Variants in KIF6 observed in about 807,000 individuals in gnomAD.
KIF6 encodes the protein kinesin-like protein KIF6.
In KIF6, 106 loss-of-function variants were observed where a neutral mutation model predicts 112.7. The observed-to-expected ratio is 0.94, with a 90% confidence interval of 0.80 to 1.11. The LOEUF (loss-of-function observed/expected upper bound fraction) is 1.11. Among genes scored for constraint, KIF6 ranks in the 50% least tolerant of loss-of-function variants. KIF6 has a pLI of 0.00. For missense variants in KIF6, 929 were observed against 964.0 expected (o/e 0.96, Z 0.48); for synonymous variants, 339 against 339.9 (o/e 1.00, Z 0.03).
At chr6:39,602,121 T>C (rs752758345) in intron 6 of KIF6, among the ~76,000 whole-genome samples, 1 of 152,216 alleles carries the variant, frequency 6.6e-6, no homozygotes, top group Admixed American at 6.5e-5. Flanking sequence ...AAATCAATGC[T>C]GACTTTTTCT....
intron 10 of KIF6, among the ~76,000 whole-genome samples, chr6:39,563,409 A>G (rs1314220634): frequency 6.6e-6 from 1 of 152,188 alleles, no homozygotes; most frequent in African/African-American, 2.4e-5. Flanking sequence ...TTTTCATCAC[A>G]AAAGTGAGAT....
At chr6:39,551,241 CAGAA>C (rs1306349976) in intron 10 of KIF6, among the ~76,000 whole-genome samples, 2 of 152,124 alleles carry the variant, frequency 1.3e-5, no homozygotes, top group Non-Finnish European at 2.9e-5. Context: ...AAGCCAAGCA[CAGAA>C]AGACAAATAT....
chr6:39,575,010 C>T (rs1484153406), intron 10 of KIF6, among the ~76,000 whole-genome samples: 3 of 152,102 alleles, frequency 2.0e-5, no homozygotes, highest in Non-Finnish European at 2.9e-5. Context: ...AAGTCAACTA[C>T]TGTTCTTGTT....
intron 13 of KIF6, among the ~76,000 whole-genome samples, chr6:39,444,670 T>G (rs1487178658): frequency 6.6e-6 from 1 of 151,020 alleles, no homozygotes; most frequent in Non-Finnish European, 1.5e-5. Context: ...CCCTGGCAAC[T>G]ACCATTCTAC....
chr6:39,635,198 C>CACATTAT (rs1254084936), intron 4 of KIF6, among the ~76,000 whole-genome samples: 3 of 151,794 alleles, frequency 2.0e-5, no homozygotes, highest in African/African-American at 7.3e-5. Context: ...TTATTGGTTC[C>CACATTAT]ACATTATACA....
chr6:39,396,351 G>A (rs1193945282), intron 15 of KIF6, among the ~76,000 whole-genome samples: 1 of 152,208 alleles, frequency 6.6e-6, no homozygotes, highest in Non-Finnish European at 1.5e-5. Context: ...CTCCATGGGA[G>A]TGGCATGGGG....
chr6:39,539,490 C>T (rs954733761), intron 13 of KIF6, among the ~76,000 whole-genome samples: 11 of 151,928 alleles, frequency 7.2e-5, no homozygotes, highest in Admixed American at 2.0e-4. Context: ...ATTACAGGCG[C>T]GCACCACCAC....
rs1245827220 is a variant in KIF6, at chr6:39,334,890, C to G, written c.*1642G>C. ...TTCTACAGACTTTACAGAGGGCTTA[C>G]TATGTTCCATTGAACTGTGAGGGCC... On this transcript the variant is annotated 3_prime_UTR_variant, in exon 23 of 23. Coordinates refer to ENST00000287152, the MANE Select transcript of KIF6 (RefSeq NM_145027.6). The G allele has an allele frequency of 6.6e-6, 1 of 152,184 alleles. No individual in the cohort carries two copies. Among genetic ancestry groups the G allele is most frequent in the Non-Finnish European group, 1.5e-5 (1 of 68,064 alleles). 9.4% of individuals were successfully genotyped at this position (152,184 alleles called of 1,614,324 possible).
Position 39,360,540 on chromosome 6 carries a change from A to G in KIF6, c.1947-10T>C. 2 of 1,614,176 alleles carry G rather than the reference A, an allele frequency of 1.2e-6. No individual in the cohort carries two copies. The highest frequency in any genetic ancestry group is 1.7e-6 in the Non-Finnish European group (2 of 1,179,994). The stretch of plus-strand genomic sequence containing the variant: ...GAACATTGTTTTATACCTGCGGTGG[A>G]ATCGGGGAAGAGTCAGGGCACTGCT... On this transcript the variant is annotated splice_polypyrimidine_tract_variant and intron_variant, in intron 17 of 22. Transcript: ENST00000287152.
At chr6:39,515,209 T>G (rs1178933751) in intron 13 of KIF6, among the ~76,000 whole-genome samples, 1 of 152,200 alleles carries the variant, frequency 6.6e-6, no homozygotes, top group African/African-American at 2.4e-5. Context: ...CAGAAAGGCT[T>G]TTTCACATTT....
Position 39,487,755 on chromosome 6 carries a change from A to G in KIF6, c.1645+52248T>C, listed in dbSNP as rs1775206063. On this transcript the variant is annotated intron_variant, in intron 13 of 22. Coordinates refer to ENST00000287152, the MANE Select transcript of KIF6 (RefSeq NM_145027.6). Reference sequence around the variant, plus strand: ...TTTAGTGGCTGAAAAACAGTCCTATAGATGACAATCTGAGATGTGATTATT... The same window carrying G: ...TTTAGTGGCTGAAAAACAGTCCTATGGATGACAATCTGAGATGTGATTATT... Among the ~76,000 whole-genome samples the G allele has an allele frequency of 1.3e-5, 2 of 152,218 alleles. 1 individual carries two copies.
intron 13 of KIF6, among the ~76,000 whole-genome samples, chr6:39,463,881 T>A (rs750821542): frequency 2.6e-5 from 4 of 152,224 alleles, no homozygotes; most frequent in Non-Finnish European, 5.9e-5. Context: ...CTTTGAGTCA[T>A]CATTCATTTT....
In KIF6 at chr6:39,335,372, G is replaced by T. The variant is rs1030292320; in HGVS notation, c.*1160C>A. On this transcript the variant is annotated 3_prime_UTR_variant, in exon 23 of 23. Transcript: ENST00000287152. Reference sequence around the variant, plus strand: ...TGGATTAGAGGAGCTCGATGGGCCTGCCTAGCTTAGAAATGTAATGGTTTA... The same window carrying T: ...TGGATTAGAGGAGCTCGATGGGCCTTCCTAGCTTAGAAATGTAATGGTTTA... 1 of 152,098 alleles carries T rather than the reference G, an allele frequency of 6.6e-6. No homozygotes were observed. Among genetic ancestry groups the T allele is most frequent in the Non-Finnish European group, 1.5e-5 (1 of 68,018 alleles). The allele number at this position is 152,098 out of a possible 1,614,324, so 9.4% of individuals were successfully genotyped here.
At chr6:39,603,530 T>A (rs1782699105) in intron 6 of KIF6, among the ~76,000 whole-genome samples, 1 of 144,058 alleles carries the variant, frequency 6.9e-6, no homozygotes, top group African/African-American at 2.8e-5. Flanking sequence ...GGTGATGCAT[T>A]TTTTTTTTGT....
intron 2 of KIF6, among the ~76,000 whole-genome samples, chr6:39,719,052 C>A (rs1244252481): frequency 1.3e-5 from 2 of 152,180 alleles, no homozygotes; most frequent in Admixed American, 6.5e-5. Flanking sequence ...GATACGGTGG[C>A]TCATGCCTGT....
chr6:39,576,067 C>G (rs1017907611), intron 10 of KIF6, among the ~76,000 whole-genome samples: 2 of 152,188 alleles, frequency 1.3e-5, no homozygotes, highest in African/African-American at 4.8e-5. Context: ...CAAAATCTTA[C>G]CCTTAAACTA....
chr6:39,657,739 C>T (rs549244519), intron 3 of KIF6, among the ~76,000 whole-genome samples: 3 of 152,236 alleles, frequency 2.0e-5, no homozygotes, highest in African/African-American at 7.2e-5. Flanking sequence ...AATAAGTGAT[C>T]GAATATGCAA....
At chr6:39,551,356 A>G (rs952458737) in intron 10 of KIF6, among the ~76,000 whole-genome samples, 1 of 152,168 alleles carries the variant, frequency 6.6e-6, no homozygotes, top group African/African-American at 2.4e-5. Context: ...TAGTGGGGAG[A>G]GAGAGGATAA....
chr6:39,337,280 C>T (rs1321209260), intron 22 of KIF6, among the ~76,000 whole-genome samples: 4 of 127,766 alleles, frequency 3.1e-5, no homozygotes, highest in African/African-American at 1.2e-4. Context: ...CCTCCCCTCC[C>T]TTCCCCTCTT....
Sources: gnomAD v4.1 joint callset for allele counts (sites outside exome capture counted in the v4.1 genomes callset) on GRCh38, gnomAD v4.1.1 for gene constraint, MANE v1.5 for transcripts, NCBI Gene and HGNC (gene_info 2026-07-23, HGNC 2026-07-21) for gene names.